Variants in TENM2 observed in about 807,000 individuals in gnomAD.
The protein encoded by TENM2 is teneurin transmembrane protein 2, also known as teneurin-2.
In TENM2, 52 loss-of-function variants were observed where a neutral mutation model predicts 245.2. That is an observed-to-expected ratio of 0.21 (90% CI 0.17 to 0.27). The LOEUF (loss-of-function observed/expected upper bound fraction) is 0.27. Among genes scored for constraint, TENM2 ranks in the 10% least tolerant of loss-of-function variants. The pLI is 1.00. For missense variants in TENM2, 3,046 were observed against 3,666.8 expected (o/e 0.83, Z 4.37); for synonymous variants, 1,363 against 1,438.9 (o/e 0.95, Z 1.19).
At chr5:168,221,520 A>G (rs547416158) in intron 23 of TENM2, among the ~76,000 whole-genome samples, 21 of 152,304 alleles carry the variant, frequency 1.4e-4, no homozygotes, top group African/African-American at 4.8e-4. Flanking sequence ...CAGACTCCAC[A>G]TGGGAACTGT....
At chr5:167,713,253 A>C (rs1414623086) in intron 2 of TENM2, among the ~76,000 whole-genome samples, 1 of 151,692 alleles carries the variant, frequency 6.6e-6, no homozygotes, top group Non-Finnish European at 1.5e-5. Context: ...CCTCTTCTAA[A>C]ATATAACACT....
At chr5:167,995,878 G>A (rs1167072154) in intron 5 of TENM2, among the ~76,000 whole-genome samples, 1 of 152,162 alleles carries the variant, frequency 6.6e-6, no homozygotes, top group Non-Finnish European at 1.5e-5. Context: ...TGGGAAACAA[G>A]CCATCAGGGA....
At chr5:167,170,319 T>C in the TENM2 span, among the ~76,000 whole-genome samples, 2 of 152,188 alleles carry the variant, frequency 1.3e-5, no homozygotes, top group Non-Finnish European at 2.9e-5. Flanking sequence ...AGGATTTTGT[T>C]TGAATCTCAG....
the TENM2 span, among the ~76,000 whole-genome samples, chr5:167,268,667 G>A: frequency 6.6e-6 from 1 of 152,014 alleles, no homozygotes; most frequent in African/African-American, 2.4e-5. Context: ...GGCTGTTTTT[G>A]TAAATAAAGT....
chr5:167,196,376 A>C, the TENM2 span, among the ~76,000 whole-genome samples: 2 of 151,718 alleles, frequency 1.3e-5, no homozygotes, highest in Admixed American at 1.3e-4. Flanking sequence ...CATATCATCT[A>C]TACCTCCATT....
chr5:167,455,121 G>T (rs376965801), intron 2 of TENM2, among the ~76,000 whole-genome samples: 2 of 152,130 alleles, frequency 1.3e-5, no homozygotes, highest in South Asian at 2.1e-4. Context: ...TGTTCTTCCT[G>T]TCTTCATGCC....
the TENM2 span, among the ~76,000 whole-genome samples, chr5:167,032,206 G>C: frequency 6.6e-6 from 1 of 152,048 alleles, no homozygotes; most frequent in African/African-American, 2.4e-5. Context: ...CATACTCAAG[G>C]GTAAAACCTC....
intron 12 of TENM2, among the ~76,000 whole-genome samples, chr5:168,156,760 ACT>A (rs1375187421): frequency 6.6e-6 from 1 of 151,116 alleles, no homozygotes; most frequent in East Asian, 1.9e-4. Context: ...AACCTTGGAA[ACT>A]CTCTCATTTC....
chr5:168,224,750 TTC>T (rs1245794079), intron 23 of TENM2, among the ~76,000 whole-genome samples: 1 of 152,180 alleles, frequency 6.6e-6, no homozygotes, highest in Admixed American at 6.5e-5. Context: ...CCACTTTCCC[TTC>T]TTTTTTACCC....
chr5:167,690,978 G>C (rs763452822), intron 2 of TENM2, among the ~76,000 whole-genome samples: 6 of 150,996 alleles, frequency 4.0e-5, no homozygotes, highest in Non-Finnish European at 8.9e-5. Flanking sequence ...TGTAGAGAGA[G>C]AGAGGAATAT....
chr5:168,138,678 A>G (rs1358297342), intron 12 of TENM2, among the ~76,000 whole-genome samples: 1 of 152,212 alleles, frequency 6.6e-6, no homozygotes, highest in Non-Finnish European at 1.5e-5. Context: ...CTTAGGATCC[A>G]TTTGCTGGTT....
rs547455765 is a variant in TENM2, at chr5:168,055,417, C to G, written c.1310-6643C>G. 6.6e-5 allele frequency among the ~76,000 whole-genome samples: 10 copies of G among 152,276 alleles called. 1 individual carries two copies. The South Asian group carries it at 2.1e-3, about 32-fold the overall frequency. ...ACAGAGTTGCCCATGTGAGAAGCAGCTAGACCACACACCAACACCAGCAAT... is the reference window on the plus strand; with the variant it reads ...ACAGAGTTGCCCATGTGAGAAGCAGGTAGACCACACACCAACACCAGCAAT... On this transcript the variant is annotated intron_variant, in intron 6 of 28. Transcript: ENST00000518659.
chr5:167,124,724 A>G, the TENM2 span, among the ~76,000 whole-genome samples: 1 of 152,204 alleles, frequency 6.6e-6, no homozygotes, highest in Non-Finnish European at 1.5e-5. Flanking sequence ...GTACATACAC[A>G]CCATGCAAAT....
At chr5:167,919,493 C>A (rs763218435) in intron 3 of TENM2, among the ~76,000 whole-genome samples, 1 of 152,202 alleles carries the variant, frequency 6.6e-6, no homozygotes, top group African/African-American at 2.4e-5. Flanking sequence ...CCTCTGAATG[C>A]AAGCAAATTA....
At chr5:167,733,002 A>AT (rs2150563477) in intron 2 of TENM2, among the ~76,000 whole-genome samples, 1 of 152,258 alleles carries the variant, frequency 6.6e-6, no homozygotes, top group Admixed American at 6.5e-5. Flanking sequence ...TTGACACTAG[A>AT]TTTTTATTTT....
Position 168,115,428 on chromosome 5 carries a change from GA to G in TENM2, c.1814-2855del, listed in dbSNP as rs200687788. Reference sequence around the variant, plus strand: ...AGGAAGGGAAAGGAAAGGAAGGAAAGAAAAAAAAAGAAAAAAATTTTATCTA... The same window carrying G: ...AGGAAGGGAAAGGAAAGGAAGGAAAGAAAAAAAAGAAAAAAATTTTATCTA... On this transcript the variant is annotated intron_variant, in intron 9 of 28. Transcript: ENST00000518659. 1.4e-3 allele frequency among the ~76,000 whole-genome samples: 187 copies of G among 130,110 alleles called. 1 individual carries two copies. Among genetic ancestry groups the G allele is most frequent in the East Asian group, 8.1e-3 (34 of 4,202 alleles). The allele number at this position is 130,110 out of a possible 152,430, so 85.4% of individuals were successfully genotyped here. A position where few individuals can be genotyped will look rare whatever the true frequency, so the allele number is the denominator to read the frequency against.
chr5:167,390,631 T>C (rs1761692506), intron 2 of TENM2, among the ~76,000 whole-genome samples: 1 of 152,114 alleles, frequency 6.6e-6, no homozygotes. Flanking sequence ...ATTACTATTA[T>C]AATAAGCATA....
chr5:167,654,308 C>T (rs1158356870), intron 2 of TENM2, among the ~76,000 whole-genome samples: 2 of 152,082 alleles, frequency 1.3e-5, no homozygotes, highest in African/African-American at 4.8e-5. Context: ...GTAAATAGGG[C>T]CTGAACAAAA....
At chr5:168,256,723 C>A (rs1279435445) in intron 27 of TENM2, among the ~76,000 whole-genome samples, 1 of 152,220 alleles carries the variant, frequency 6.6e-6, no homozygotes, top group Admixed American at 6.5e-5. Flanking sequence ...CCTCGCCCGG[C>A]CTCAAACCTG....
Sources: allele counts gnomAD v4.1 joint callset (sites outside exome capture counted in the v4.1 genomes callset), GRCh38; gene constraint gnomAD v4.1.1; transcripts MANE v1.5; gene names NCBI Gene and HGNC (gene_info 2026-07-23, HGNC 2026-07-21).